SNX21: variants seen among roughly 807,000 people sequenced by gnomAD.
SNX21 encodes the protein sorting nexin family member 21, also known as sorting nexin-21.
A neutral mutation model predicts 30.9 loss-of-function variants in SNX21; 36 were observed. The ratio of observed to expected loss-of-function variants is 1.16; its 90% CI spans 0.89 to 1.54. The LOEUF is 1.54. Among genes scored for constraint, SNX21 ranks in the 40% most tolerant of loss-of-function variants. SNX21 has a pLI of 0.00. For synonymous variants in SNX21, 218 were observed against 222.7 expected (o/e 0.98, Z 0.19); for missense variants, 508 against 516.5 (o/e 0.98, Z 0.16).
At position 45,838,740 on chromosome 20, in the gene SNX21, C is replaced by T. The variant is rs996106148; in HGVS notation, c.448-1899C>T. 4.0e-5 allele frequency among the ~76,000 whole-genome samples: 6 copies of T among 151,562 alleles called. No homozygotes were observed. In the East Asian group the frequency reaches 7.9e-4, roughly 20 times the overall value. On this transcript the variant is annotated intron_variant, in intron 3 of 3. Transcript: ENST00000491381. ...CTGCATGCCAGCCTGGGCGACAGGG[C>T]GAGACTAAATAAATAAATAAAGTAA...
chr20:45,838,504 C>T lies in SNX21; in HGVS notation c.448-2135C>T, dbSNP rs1209612406. 7 of 150,662 alleles carry T rather than the reference C, an allele frequency of 4.6e-5. No individual in the cohort carries two copies. The East Asian group carries it at 8.1e-4, about 17-fold the overall frequency. The allele number at this position is 150,662 out of a possible 1,614,324, so 9.3% of individuals were successfully genotyped here. A position where few individuals can be genotyped will look rare whatever the true frequency, so the allele number is the denominator to read the frequency against. On this transcript the variant is annotated intron_variant, in intron 3 of 3. Transcript: ENST00000491381. ...CACGGTGGCTCACACCTGTAATCCC[C>T]GCACTTTGGGAGGCTGAGGTGGGCA...
At chr20:45,834,934 G>A in intron 2 of SNX21, 25 bp from the exon 3 acceptor site, 1 of 1,608,912 alleles carries the variant, frequency 6.2e-7, no homozygotes, top group Non-Finnish European at 8.5e-7. Flanking sequence ...TAGGCCCATT[G>A]ATATGACTGG....
rs1240404711 is a variant in SNX21, at chr20:45,834,284, G to A, written c.105G>A (p.Glu35=). 1.3e-6 allele frequency: 2 copies of A among 1,591,756 alleles called. No individual in the cohort carries two copies. Among genetic ancestry groups the A allele is most frequent in the Admixed American group, 1.7e-5 (1 of 58,012 alleles). Reference sequence around the variant, plus strand: ...CCGGGGAGGCGGCGGCCAGTCCAGAGGCCGAGCAGTTTCCGGAGAGCTCAG... The same window carrying A: ...CCGGGGAGGCGGCGGCCAGTCCAGAAGCCGAGCAGTTTCCGGAGAGCTCAG... The part of the protein sequence containing the change: ...DGPGEAAASP[E]AEQFPESSEL... The change falls in exon 2 of 4, where the codon GAG becomes GAA. Residue 35 remains glutamate, a synonymous_variant. Transcript: ENST00000491381.
intron 3 of SNX21, among the ~76,000 whole-genome samples, chr20:45,839,331 C>T (rs535206685): frequency 4.9e-4 from 74 of 152,112 alleles, no homozygotes; most frequent in African/African-American, 1.3e-3. Flanking sequence ...CTGGCTAACA[C>T]AGTGAAACCC....
At position 45,833,909 on chromosome 20, in the gene SNX21, C is replaced by G. The variant is rs139681125; in HGVS notation, c.-11C>G. On this transcript the variant is annotated 5_prime_UTR_variant, in exon 1 of 4. Transcript: ENST00000491381. ...CTGCACCCGGACCCCTGGGGCGCGG[C>G]GCGCCCCTGAATGCACCGTGGGACG... The G allele has an allele frequency of 6.5e-6, 9 of 1,381,590 alleles. No individual in the cohort carries two copies. Among genetic ancestry groups the G allele is most frequent in the Non-Finnish European group, 7.5e-6 (8 of 1,067,912 alleles). The allele number at this position is 1,381,590 out of a possible 1,614,324, so 85.6% of individuals were successfully genotyped here. A position where few individuals can be genotyped will look rare whatever the true frequency, so the allele number is the denominator to read the frequency against.
In SNX21 at chr20:45,840,438, G is replaced by T. The variant is rs748528116; in HGVS notation, c.448-201G>T. On this transcript the variant is annotated intron_variant, in intron 3 of 3. Coordinates refer to ENST00000491381, the MANE Select transcript of SNX21 (RefSeq NM_033421.4). ...TCTCTTCTTGCTGCCTTGGGCCTGG[G>T]TCATTTCAGACAAACCTCAGGTAAG... The T allele has an allele frequency of 1.9e-6, 3 of 1,614,198 alleles. No individual in the cohort carries two copies. In the Admixed American group the frequency reaches 5.0e-5, roughly 27 times the overall value.
intron 3 of SNX21, among the ~76,000 whole-genome samples, chr20:45,839,313 A>C (rs1019633817): frequency 1.2e-4 from 19 of 152,124 alleles, no homozygotes; most frequent in African/African-American, 4.6e-4. Context: ...CAGGAGATCG[A>C]GACCATCCTG....
Position 45,841,920 on chromosome 20 carries a change from C to A in SNX21, c.*607C>A. 16 of 1,612,994 alleles carry A rather than the reference C, an allele frequency of 9.9e-6. No homozygotes were observed. Among genetic ancestry groups the A allele is most frequent in the Non-Finnish European group, 1.3e-5 (15 of 1,179,874 alleles). On this transcript the variant is annotated 3_prime_UTR_variant, in exon 4 of 4. Coordinates refer to ENST00000491381, the MANE Select transcript of SNX21 (RefSeq NM_033421.4). ...GGTCACAGCTAGGACTCCATCCTGACGCCACAGCCGCCCATGGACCAGCCC... is the reference window on the plus strand; with the variant it reads ...GGTCACAGCTAGGACTCCATCCTGAAGCCACAGCCGCCCATGGACCAGCCC...
In SNX21 at chr20:45,835,116, GGTGA is replaced by G. The variant is rs1983419671; in HGVS notation, c.447+6_447+9del. ...TCAAGGACCCGCCCTCCAAGTACGT[GGTGA>G]GTGAGGGTCTAGAACCCCTGGGCTG... On this transcript the variant is annotated splice_donor_variant and splice_donor_region_variant and intron_variant, in intron 3 of 3. Transcript: ENST00000491381. LOFTEE classifies it high-confidence loss of function. The G allele has an allele frequency of 6.2e-7, 1 of 1,611,720 alleles. No individual in the cohort carries two copies. The highest frequency in any genetic ancestry group is 1.3e-5 in the African/African-American group (1 of 74,910).
At chr20:45,836,290 G>C (rs577411148) in intron 3 of SNX21, among the ~76,000 whole-genome samples, 323 of 152,080 alleles carry the variant, frequency 2.1e-3, no homozygotes, top group African/African-American at 7.6e-3. Context: ...GAGGTCACGA[G>C]ACCATCCTGG....
Position 45,841,959 on chromosome 20 carries a change from G to A in SNX21, c.*646G>A. Reference sequence around the variant, plus strand: ...ATGGACCAGCCCCCGAGAGCCACCTGTGGGTGAGGTGAAGGGTGATGATGG... The same window carrying A: ...ATGGACCAGCCCCCGAGAGCCACCTATGGGTGAGGTGAAGGGTGATGATGG... On this transcript the variant is annotated 3_prime_UTR_variant, in exon 4 of 4. Coordinates refer to ENST00000491381, the MANE Select transcript of SNX21 (RefSeq NM_033421.4). 6.2e-7 allele frequency: 1 copy of A among 1,613,140 alleles called. No homozygotes were observed. Among genetic ancestry groups the A allele is most frequent in the Non-Finnish European group, 8.5e-7 (1 of 1,179,954 alleles).
In SNX21 at chr20:45,834,380, GGAC is replaced by G. The variant is rs766999609; in HGVS notation, c.207_209del (p.Asp69del). On this transcript the variant is annotated inframe_deletion, in exon 2 of 4. Transcript: ENST00000491381. ...GCACCCTCAGCTTCACCAGCGCCGA[GGAC>G]GACGAGGACGACGAGGACGAGGACG... 6.2e-7 allele frequency: 1 copy of G among 1,600,638 alleles called. No homozygotes were observed. The highest frequency in any genetic ancestry group is 1.7e-5 in the Admixed American group (1 of 58,576).
chr20:45,840,345 G>A, intron 3 of SNX21: 1 of 1,598,436 alleles, frequency 6.3e-7, no homozygotes, highest in Non-Finnish European at 8.5e-7. Flanking sequence ...AAGAACTAAT[G>A]CTCTATGGGA....
Position 45,842,996 on chromosome 20 carries a change from C to T in SNX21, c.*1683C>T. On this transcript the variant is annotated 3_prime_UTR_variant, in exon 4 of 4. Coordinates refer to ENST00000491381, the MANE Select transcript of SNX21 (RefSeq NM_033421.4). ...CCCCTGCAAGGAAGGTCCAAGCAGG[C>T]CCTTAGGGACCACTGAATGCCCCGA... 9.3e-7 allele frequency: 1 copy of T among 1,072,986 alleles called. No individual in the cohort carries two copies. The highest frequency in any genetic ancestry group is 1.1e-6 in the Non-Finnish European group (1 of 881,172). 66.5% of individuals were successfully genotyped at this position (1,072,986 alleles called of 1,614,324 possible). A position where few individuals can be genotyped will look rare whatever the true frequency, so the allele number is the denominator to read the frequency against.
chr20:45,843,163 A>G lies in SNX21; in HGVS notation c.*1850A>G, dbSNP rs1296680223. 1.6e-6 allele frequency: 1 copy of G among 635,240 alleles called. No individual in the cohort carries two copies. Among genetic ancestry groups the G allele is most frequent in the South Asian group, 1.9e-5 (1 of 52,306 alleles). 39.4% of individuals were successfully genotyped at this position (635,240 alleles called of 1,614,324 possible). On this transcript the variant is annotated 3_prime_UTR_variant, in exon 4 of 4. Transcript: ENST00000491381. ...GCATCCCCAAATGGCAGTCTGATGG[A>G]CTGCGGGTTTGGATACCACTGCTGT... is the stretch of plus-strand genomic sequence containing the variant.
chr20:45,834,892 G>T, intron 2 of SNX21, 67 bp from the exon 3 acceptor site: 1 of 1,555,572 alleles, frequency 6.4e-7, no homozygotes, highest in Non-Finnish European at 8.7e-7. Flanking sequence ...GATGAGTGAG[G>T]CCACGTCAGT....
intron 3 of SNX21, among the ~76,000 whole-genome samples, chr20:45,839,233 T>C (rs1441270572): frequency 2.0e-5 from 3 of 151,980 alleles, no homozygotes; most frequent in East Asian, 1.9e-4. Context: ...AACTGAGAGC[T>C]GGCCAGGCGC....
chr20:45,842,015 T>A lies in SNX21; in HGVS notation c.*702T>A. ...TTCAGAACAGCCAAATACACTTTTT[T>A]TTTTTTTCCTGAAACAGAGTCTCAC... On this transcript the variant is annotated 3_prime_UTR_variant, in exon 4 of 4. Coordinates refer to ENST00000491381, the MANE Select transcript of SNX21 (RefSeq NM_033421.4). The A allele has an allele frequency of 6.3e-7, 1 of 1,592,306 alleles. No homozygotes were observed. Among genetic ancestry groups the A allele is most frequent in the South Asian group, 1.1e-5 (1 of 88,370 alleles).
chr20:45,842,214 GC>G lies in SNX21; in HGVS notation c.*902del. 1 of 1,454,208 alleles carries G rather than the reference GC, an allele frequency of 6.9e-7. No individual in the cohort carries two copies. Among genetic ancestry groups the G allele is most frequent in the Non-Finnish European group, 9.0e-7 (1 of 1,111,882 alleles). The allele number at this position is 1,454,208 out of a possible 1,614,324, so 90.1% of individuals were successfully genotyped here. On this transcript the variant is annotated 3_prime_UTR_variant, in exon 4 of 4. Coordinates refer to ENST00000491381, the MANE Select transcript of SNX21 (RefSeq NM_033421.4). ...ACACAAGGGTGCACTGAGTGTCGTGGCTGCTCCAAATGCCCCTTCATGAGCT... is the reference window on the plus strand; with the variant it reads ...ACACAAGGGTGCACTGAGTGTCGTGGTGCTCCAAATGCCCCTTCATGAGCT...
Sources: gnomAD v4.1 joint callset for allele counts (sites outside exome capture counted in the v4.1 genomes callset) on GRCh38, gnomAD v4.1.1 for gene constraint, MANE v1.5 for transcripts, NCBI Gene and HGNC (gene_info 2026-07-23, HGNC 2026-07-21) for gene names.